Variants in NFIB observed in about 807,000 individuals in gnomAD.
The protein encoded by NFIB is nuclear factor 1 B-type.
Under a neutral mutation model 61.5 loss-of-function variants are expected in NFIB, and 11 were observed. That is an observed-to-expected ratio of 0.18 (90% CI 0.11 to 0.30). The LOEUF (loss-of-function observed/expected upper bound fraction) is 0.30, where lower values mean the gene tolerates loss of function less well. Among genes scored for constraint, NFIB ranks in the 10% least tolerant of loss-of-function variants. NFIB has a pLI of 1.00. For synonymous variants in NFIB, 260 were observed against 216.5 expected (o/e 1.20, Z -1.76); for missense variants, 471 against 608.9 (o/e 0.77, Z 2.38).
chr9:14,378,606 G>A (rs867672042), intron 1 of NFIB, among the ~76,000 whole-genome samples: 2 of 152,174 alleles, frequency 1.3e-5, no homozygotes, highest in Non-Finnish European at 1.5e-5. Flanking sequence ...CCACCCGCAT[G>A]GGCCTCCCAA....
intron 2 of NFIB, among the ~76,000 whole-genome samples, chr9:14,294,362 A>C (rs889431199): frequency 2.6e-5 from 4 of 152,368 alleles, no homozygotes; most frequent in Non-Finnish European, 4.4e-5. Flanking sequence ...AGAATTTAAC[A>C]ACCATGTATA....
At chr9:14,380,820 G>T (rs1246709609) in intron 1 of NFIB, among the ~76,000 whole-genome samples, 1 of 152,056 alleles carries the variant, frequency 6.6e-6, no homozygotes, top group African/African-American at 2.4e-5. Context: ...ACTGCACAAA[G>T]CCACACAACC....
chr9:14,155,420 C>T (rs1248029221), intron 4 of NFIB, among the ~76,000 whole-genome samples: 1 of 152,168 alleles, frequency 6.6e-6, no homozygotes, highest in Non-Finnish European at 1.5e-5. Context: ...ATATCCTGTG[C>T]ATCTCCAACC....
chr9:14,446,844 T>A, the NFIB span, among the ~76,000 whole-genome samples: 1 of 152,164 alleles, frequency 6.6e-6, no homozygotes, highest in Non-Finnish European at 1.5e-5. Flanking sequence ...ATTTTAACAA[T>A]CTTATTTTAT....
At chr9:14,271,548 G>A (rs182866994) in intron 2 of NFIB, among the ~76,000 whole-genome samples, 17 of 152,076 alleles carry the variant, frequency 1.1e-4, no homozygotes, top group Admixed American at 2.6e-4. Context: ...TATTAGGACC[G>A]GGAAAAAAAT....
the NFIB span, among the ~76,000 whole-genome samples, chr9:14,513,356 G>A: frequency 1.3e-5 from 2 of 152,132 alleles, no homozygotes; most frequent in Non-Finnish European, 2.9e-5. Context: ...AAGGCCGGGT[G>A]TGGTGGCTCA....
In NFIB at chr9:14,217,660, C is replaced by CAAAA. The variant is rs34055171; in HGVS notation, c.563-37884_563-37881dup. ...GGGCAACAAGAGTGAAACTCCATCTCAAAAAAAAAAAAAAAAAAAAAGACA... is the reference window on the plus strand; with the variant it reads ...GGGCAACAAGAGTGAAACTCCATCTCAAAAAAAAAAAAAAAAAAAAAAAAAGACA... On this transcript the variant is annotated intron_variant, in intron 2 of 10. Transcript: ENST00000380953. Among the ~76,000 whole-genome samples, 166 of 81,480 alleles carry CAAAA rather than the reference C, an allele frequency of 2.0e-3. 4 individuals carry two copies. Among genetic ancestry groups the CAAAA allele is most frequent in the African/African-American group, 6.5e-3 (131 of 20,230 alleles). 53.5% of individuals were successfully genotyped at this position (81,480 alleles called of 152,430 possible).
chr9:14,274,969 AGAGATAGT>A (rs2057895905), intron 2 of NFIB, among the ~76,000 whole-genome samples: 1 of 152,186 alleles, frequency 6.6e-6, no homozygotes. Context: ...GCAACAGATA[AGAGATAGT>A]GAGGTTTTGT....
At chr9:14,203,993 G>A (rs1242345433) in intron 2 of NFIB, among the ~76,000 whole-genome samples, 1 of 152,016 alleles carries the variant, frequency 6.6e-6, no homozygotes, top group Non-Finnish European at 1.5e-5. Flanking sequence ...CTACAGAGAA[G>A]CATAAGCAAA....
the NFIB span, among the ~76,000 whole-genome samples, chr9:14,457,036 T>C: frequency 2.0e-5 from 3 of 152,044 alleles, no homozygotes; most frequent in Non-Finnish European, 4.4e-5. Flanking sequence ...AATACTGACA[T>C]AAAAAGACAT....
intron 2 of NFIB, among the ~76,000 whole-genome samples, chr9:14,282,583 T>G (rs1326839135): frequency 6.6e-6 from 1 of 152,254 alleles, no homozygotes; most frequent in East Asian, 1.9e-4. Context: ...CTAAGGTCAT[T>G]AAAACAGTCT....
chr9:14,186,644 C>G (rs1487896143), intron 2 of NFIB, among the ~76,000 whole-genome samples: 2 of 152,038 alleles, frequency 1.3e-5, no homozygotes, highest in Non-Finnish European at 2.9e-5. Flanking sequence ...CTCTCTTCCC[C>G]TCTCTCTGCC....
chr9:14,468,064 G>A, the NFIB span, among the ~76,000 whole-genome samples: 2 of 152,172 alleles, frequency 1.3e-5, no homozygotes, highest in Non-Finnish European at 1.5e-5. Context: ...CAGAATTTAT[G>A]TGCAGAAATT....
chr9:14,464,256 C>G, the NFIB span, among the ~76,000 whole-genome samples: 113,191 of 152,120 alleles, frequency 0.74, 42,351 homozygotes, highest in East Asian at 0.88. Context: ...TAAGAATCCT[C>G]TGAAATGAGC....
intron 2 of NFIB, among the ~76,000 whole-genome samples, chr9:14,215,134 T>TAAAAGCTCATTAATAAAAAGATATA (rs2050721196): frequency 1.3e-5 from 2 of 151,264 alleles, no homozygotes; most frequent in African/African-American, 4.9e-5. Flanking sequence ...AGCTCAACAA[T>TAAAAGCTCATTAATAAAAAGATATA]TGGGTGCTTA....
intron 2 of NFIB, among the ~76,000 whole-genome samples, chr9:14,213,938 G>C (rs1184811888): frequency 6.8e-6 from 1 of 148,092 alleles, no homozygotes; most frequent in Admixed American, 6.6e-5. Flanking sequence ...AACTCCCACT[G>C]CTCCAAATTT....
intron 4 of NFIB, among the ~76,000 whole-genome samples, chr9:14,150,748 GATA>G (rs1449311162): frequency 3.3e-5 from 5 of 151,992 alleles, no homozygotes; most frequent in African/African-American, 4.8e-5. Flanking sequence ...GTTAGGATAT[GATA>G]ATAATTATTA....
chr9:14,109,066 C>A (rs1369932439), intron 10 of NFIB, among the ~76,000 whole-genome samples: 1 of 152,004 alleles, frequency 6.6e-6, no homozygotes, highest in Non-Finnish European at 1.5e-5. Context: ...TGTATTAATA[C>A]TACCAAACTT....
chr9:14,207,553 G>T (rs4741346), intron 2 of NFIB, among the ~76,000 whole-genome samples: 2 of 152,030 alleles, frequency 1.3e-5, no homozygotes, highest in Admixed American at 1.3e-4. Flanking sequence ...GGGCCAGCTC[G>T]GCATGAGCAG....
Sources: gnomAD v4.1 joint callset for allele counts (sites outside exome capture counted in the v4.1 genomes callset) on GRCh38, gnomAD v4.1.1 for gene constraint, MANE v1.5 for transcripts, NCBI Gene and HGNC (gene_info 2026-07-23, HGNC 2026-07-21) for gene names.